Variants in ERC2 observed in about 807,000 individuals in gnomAD.
ERC2 encodes the protein ELKS/RAB6-interacting/CAST family member 2.
A neutral mutation model predicts 114.8 loss-of-function variants in ERC2; 42 were observed. The ratio of observed to expected loss-of-function variants is 0.37; its 90% confidence interval spans 0.29 to 0.47. ERC2 has a LOEUF of 0.47. Among genes scored for constraint, ERC2 ranks in the 20% least tolerant of loss-of-function variants. The probability of loss-of-function intolerance (pLI) is 0.99; values close to 1 mark genes in which losing one functional copy is unlikely to be tolerated. For missense variants in ERC2, 939 were observed against 1,150.7 expected (o/e 0.82, Z 2.66); for synonymous variants, 454 against 425.5 (o/e 1.07, Z -0.82).
At chr3:55,908,074 G>A (rs1351580717) in intron 13 of ERC2, among the ~76,000 whole-genome samples, 9 of 152,242 alleles carry the variant, frequency 5.9e-5, no homozygotes, top group African/African-American at 1.7e-4. Flanking sequence ...CTGGTAGGGC[G>A]AAGCAGTTAT....
intron 2 of ERC2, among the ~76,000 whole-genome samples, chr3:56,319,519 T>G (rs1055350046): frequency 3.3e-5 from 5 of 152,164 alleles, no homozygotes; most frequent in Admixed American, 6.5e-5. Context: ...AGAGTTTCAA[T>G]TAAGCAAGAT....
At chr3:56,250,839 C>T (rs987706633) in intron 3 of ERC2, among the ~76,000 whole-genome samples, 11 of 152,200 alleles carry the variant, frequency 7.2e-5, no homozygotes, top group African/African-American at 2.7e-4. Flanking sequence ...AAGTATGGGA[C>T]GGGGATCACT....
At chr3:55,999,920 A>G (rs2071901115) in intron 10 of ERC2, among the ~76,000 whole-genome samples, 1 of 151,786 alleles carries the variant, frequency 6.6e-6, no homozygotes, top group South Asian at 2.1e-4. Context: ...AAGACTTAAG[A>G]CAAAATGAAA....
chr3:56,285,698 G>C (rs1308276361), intron 3 of ERC2, among the ~76,000 whole-genome samples: 2 of 152,172 alleles, frequency 1.3e-5, no homozygotes, highest in Non-Finnish European at 2.9e-5. Context: ...GGCAAACCTG[G>C]CAAGGCCATG....
At chr3:56,046,879 A>T (rs561239617) in intron 7 of ERC2, among the ~76,000 whole-genome samples, 62 of 152,348 alleles carry the variant, frequency 4.1e-4, no homozygotes, top group African/African-American at 1.2e-3. Context: ...AGCAGTAACC[A>T]TCTGCATTTA....
intron 7 of ERC2, among the ~76,000 whole-genome samples, chr3:56,063,969 A>C (rs1488261545): frequency 6.6e-6 from 1 of 152,186 alleles, no homozygotes; most frequent in East Asian, 1.9e-4. Context: ...CCATGTATGA[A>C]TATACCATCA....
intron 17 of ERC2, among the ~76,000 whole-genome samples, chr3:55,677,516 C>T (rs1013174970): frequency 2.0e-5 from 3 of 152,232 alleles, no homozygotes; most frequent in African/African-American, 7.2e-5. Context: ...ATATTCTACC[C>T]AGGGTTGAAT....
At chr3:55,665,355 C>T (rs1011930728) in intron 17 of ERC2, among the ~76,000 whole-genome samples, 1 of 152,016 alleles carries the variant, frequency 6.6e-6, no homozygotes, top group Non-Finnish European at 1.5e-5. Context: ...TGAGTTGTGC[C>T]CCCTCAGAAT....
intron 2 of ERC2, among the ~76,000 whole-genome samples, chr3:56,309,983 A>G (rs1252124010): frequency 6.6e-6 from 1 of 152,206 alleles, no homozygotes; most frequent in Non-Finnish European, 1.5e-5. Flanking sequence ...TAAATAAGAG[A>G]AAAAGGGAAA....
intron 17 of ERC2, among the ~76,000 whole-genome samples, chr3:55,661,456 C>T (rs956697574): frequency 6.6e-6 from 1 of 152,190 alleles, no homozygotes; most frequent in Non-Finnish European, 1.5e-5. Context: ...TCCTCTCCTC[C>T]CCCTTGGGAC....
chr3:55,916,437 G>A (rs895253154), intron 13 of ERC2, among the ~76,000 whole-genome samples: 15 of 152,072 alleles, frequency 9.9e-5, no homozygotes, highest in African/African-American at 2.4e-4. Context: ...ATTCCAGTTG[G>A]TGTCAAATCA....
chr3:55,866,291 T>C (rs955889105), intron 14 of ERC2, among the ~76,000 whole-genome samples: 9 of 152,236 alleles, frequency 5.9e-5, no homozygotes, highest in Non-Finnish European at 8.8e-5. Flanking sequence ...TTGCCCATTA[T>C]AAAATAAGGT....
At chr3:55,752,894 T>A (rs954804628) in intron 14 of ERC2, among the ~76,000 whole-genome samples, 1 of 152,182 alleles carries the variant, frequency 6.6e-6, no homozygotes, top group African/African-American at 2.4e-5. Context: ...TGAATTCCGA[T>A]AAGAGGACCA....
chr3:56,022,839 C>T (rs2073812775), intron 7 of ERC2, among the ~76,000 whole-genome samples: 1 of 152,154 alleles, frequency 6.6e-6, no homozygotes, highest in South Asian at 2.1e-4. Flanking sequence ...GAGAGAAACC[C>T]TGCCCTTGCC....
chr3:56,230,623 C>G (rs898986169), intron 3 of ERC2, among the ~76,000 whole-genome samples: 7 of 151,318 alleles, frequency 4.6e-5, no homozygotes, highest in African/African-American at 1.7e-4. Flanking sequence ...TTCTTGAATT[C>G]AAAGTCATTG....
chr3:55,751,751 C>CTCATACCCA (rs1394130816), intron 14 of ERC2, among the ~76,000 whole-genome samples: 1 of 152,164 alleles, frequency 6.6e-6, no homozygotes, highest in African/African-American at 2.4e-5. Flanking sequence ...CCTGGGCTCC[C>CTCATACCCA]TCATACCCAT....
intron 4 of ERC2, among the ~76,000 whole-genome samples, chr3:56,165,451 C>T (rs1253460289): frequency 6.6e-6 from 1 of 150,722 alleles, no homozygotes; most frequent in East Asian, 2.0e-4. Flanking sequence ...GGTATATCTC[C>T]TAATGCTATC....
At chr3:56,124,949 GC>G (rs2079790391) in intron 6 of ERC2, among the ~76,000 whole-genome samples, 1 of 151,706 alleles carries the variant, frequency 6.6e-6, no homozygotes, top group Non-Finnish European at 1.5e-5. Flanking sequence ...ATCTTTTTTT[GC>G]TAATCTACAG....
intron 17 of ERC2, among the ~76,000 whole-genome samples, chr3:55,612,465 G>A (rs995314512): frequency 1.3e-5 from 2 of 152,196 alleles, no homozygotes; most frequent in African/African-American, 2.4e-5. Context: ...TTAATGGTGT[G>A]TGGACTCCTG....
Sources: allele counts gnomAD v4.1 joint callset (sites outside exome capture counted in the v4.1 genomes callset), GRCh38; gene constraint gnomAD v4.1.1; transcripts MANE v1.5; gene names NCBI Gene and HGNC (gene_info 2026-07-23, HGNC 2026-07-21).